Variants in WWOX observed in about 807,000 individuals in gnomAD.
WWOX encodes the protein WW domain containing oxidoreductase, also known as WW domain-containing oxidoreductase.
A neutral mutation model predicts 46.2 loss-of-function variants in WWOX; 69 were observed. The ratio of observed to expected loss-of-function variants is 1.49; its 90% CI spans 1.23 to 1.82. The LOEUF is 1.82. WWOX is among the 40% of genes most tolerant of loss of function. The probability of loss-of-function intolerance (pLI) is 0.00; values close to 1 mark genes in which losing one functional copy is unlikely to be tolerated. For missense variants in WWOX, 919 were observed against 542.6 expected, an observed-to-expected ratio of 1.69 and a Z score of -6.89; for synonymous variants, 359 against 202.6, an observed-to-expected ratio of 1.77 and a Z score of -6.56.
In WWOX at chr16:78,538,252, G is replaced by A. The variant is rs985138170; in HGVS notation, c.1056+105500G>A. 1.0e-4 allele frequency among the ~76,000 whole-genome samples: 14 copies of A among 140,570 alleles called. 1 individual carries two copies. Among genetic ancestry groups the A allele is most frequent in the African/African-American group, 1.0e-4 (4 of 38,754 alleles). 92.2% of individuals were successfully genotyped at this position (140,570 alleles called of 152,430 possible). The stretch of plus-strand genomic sequence containing the variant: ...AAAAAAAAAAAAAAAAAAAAGCGGG[G>A]CAAGGGGTTGGAGAATGTTCATATC... On this transcript the variant is annotated intron_variant, in intron 8 of 8. Coordinates refer to ENST00000566780, the MANE Select transcript of WWOX (RefSeq NM_016373.4).
intron 8 of WWOX, among the ~76,000 whole-genome samples, chr16:78,491,445 G>A (rs916590802): frequency 6.6e-6 from 1 of 152,154 alleles, no homozygotes; most frequent in African/African-American, 2.4e-5. Flanking sequence ...TTAAGCTCCA[G>A]TGGTACTCGA....
At chr16:78,194,656 A>G (rs1045832742) in intron 5 of WWOX, among the ~76,000 whole-genome samples, 1 of 151,912 alleles carries the variant, frequency 6.6e-6, no homozygotes, top group African/African-American at 2.4e-5. Context: ...ATATTGGAAG[A>G]CATGGCAATA....
At chr16:78,242,817 G>A (rs12929813) in intron 5 of WWOX, among the ~76,000 whole-genome samples, 15,606 of 152,170 alleles carry the variant, frequency 0.1, 990 homozygotes, top group Non-Finnish European at 0.14. Context: ...AGACCAGCCT[G>A]GCCAACATGG....
intron 5 of WWOX, among the ~76,000 whole-genome samples, chr16:78,329,152 C>T (rs1476139868): frequency 6.6e-6 from 1 of 152,158 alleles, no homozygotes; most frequent in Non-Finnish European, 1.5e-5. Context: ...TGAGCTACCG[C>T]ACCCAGCCTG....
chr16:78,622,176 C>G (rs559781040), intron 8 of WWOX, among the ~76,000 whole-genome samples: 4 of 152,198 alleles, frequency 2.6e-5, no homozygotes, highest in Admixed American at 1.3e-4. Context: ...TATCCTTTTT[C>G]TCTCCATTCT....
chr16:78,208,056 G>GC (rs2036450004), intron 5 of WWOX, among the ~76,000 whole-genome samples: 1 of 152,076 alleles, frequency 6.6e-6, no homozygotes, highest in African/African-American at 2.4e-5. Context: ...CAGGTCATCC[G>GC]CCCGCCTTGG....
intron 8 of WWOX, among the ~76,000 whole-genome samples, chr16:78,642,497 G>C (rs1423502962): frequency 6.6e-6 from 1 of 152,178 alleles, no homozygotes; most frequent in East Asian, 1.9e-4. Context: ...CACCAGGTCA[G>C]ATTCAATGCT....
At chr16:79,161,740 A>G (rs767516507) in intron 8 of WWOX, among the ~76,000 whole-genome samples, 2 of 152,192 alleles carry the variant, frequency 1.3e-5, no homozygotes, top group Non-Finnish European at 2.9e-5. Context: ...GCTGGTCTCA[A>G]ACTCGTGACC....
intron 8 of WWOX, among the ~76,000 whole-genome samples, chr16:79,107,553 G>T (rs983886656): frequency 6.6e-6 from 1 of 152,172 alleles, no homozygotes; most frequent in African/African-American, 2.4e-5. Context: ...CTTTTGGATA[G>T]CCCAAAGACC....
intron 5 of WWOX, among the ~76,000 whole-genome samples, chr16:78,362,716 A>G (rs2081437797): frequency 6.6e-6 from 1 of 152,236 alleles, no homozygotes; most frequent in Admixed American, 6.5e-5. Flanking sequence ...TTTCCAGGAA[A>G]CAGCCTCAAC....
At chr16:78,781,592 C>A (rs921285397) in intron 8 of WWOX, among the ~76,000 whole-genome samples, 9 of 152,164 alleles carry the variant, frequency 5.9e-5, no homozygotes, top group African/African-American at 2.2e-4. Context: ...TCCCCCACCC[C>A]CACTTTATCC....
At chr16:79,034,688 T>G (rs2047831300) in intron 8 of WWOX, among the ~76,000 whole-genome samples, 1 of 152,206 alleles carries the variant, frequency 6.6e-6, no homozygotes, top group Non-Finnish European at 1.5e-5. Context: ...CTTTTTTTTT[T>G]TCAAAGCACT....
At chr16:78,884,591 C>T (rs767735019) in intron 8 of WWOX, among the ~76,000 whole-genome samples, 3 of 152,110 alleles carry the variant, frequency 2.0e-5, no homozygotes, top group Non-Finnish European at 2.9e-5. Flanking sequence ...GAGGAAGATA[C>T]AGAGGAATGT....
At chr16:79,007,674 T>C (rs150390383) in intron 8 of WWOX, among the ~76,000 whole-genome samples, 2 of 152,226 alleles carry the variant, frequency 1.3e-5, no homozygotes, top group African/African-American at 4.8e-5. Context: ...AGCACTGTTA[T>C]CAGATGAAGA....
intron 8 of WWOX, among the ~76,000 whole-genome samples, chr16:78,745,500 T>C (rs931877527): frequency 3.3e-5 from 5 of 150,310 alleles, no homozygotes; most frequent in Admixed American, 1.3e-4. Context: ...GGTCACTCCA[T>C]AGAGAGGGGT....
Position 79,165,006 on chromosome 16 carries a change from C to T in WWOX, c.1057-46602C>T, listed in dbSNP as rs975335178. Among the ~76,000 whole-genome samples, 4 of 152,240 alleles carry T rather than the reference C, an allele frequency of 2.6e-5. No individual in the cohort carries two copies. The South Asian group carries it at 8.3e-4, about 32-fold the overall frequency. On this transcript the variant is annotated intron_variant, in intron 8 of 8. Coordinates refer to ENST00000566780, the MANE Select transcript of WWOX (RefSeq NM_016373.4). Reference sequence around the variant, plus strand: ...CAGTAAGTGTAAAATGTTCCACACCCTTATGTATAGACTTTTAACCTCTAT... The same window carrying T: ...CAGTAAGTGTAAAATGTTCCACACCTTTATGTATAGACTTTTAACCTCTAT...
intron 8 of WWOX, among the ~76,000 whole-genome samples, chr16:78,966,799 C>G (rs1475259851): frequency 6.6e-6 from 1 of 152,116 alleles, no homozygotes; most frequent in Non-Finnish European, 1.5e-5. Flanking sequence ...GCCAACTGTT[C>G]TACTTTGGCA....
At chr16:78,751,153 T>G (rs192122346) in intron 8 of WWOX, among the ~76,000 whole-genome samples, 1 of 152,114 alleles carries the variant, frequency 6.6e-6, no homozygotes, top group Non-Finnish European at 1.5e-5. Flanking sequence ...CCAAAAAGAA[T>G]TTGACTCAAA....
At chr16:78,689,618 T>C (rs1235465838) in intron 8 of WWOX, among the ~76,000 whole-genome samples, 2 of 152,198 alleles carry the variant, frequency 1.3e-5, no homozygotes, top group African/African-American at 4.8e-5. Flanking sequence ...AAAATCCTGC[T>C]AACTTGGTTA....
Sources: allele counts gnomAD v4.1 joint callset (sites outside exome capture counted in the v4.1 genomes callset), GRCh38; gene constraint gnomAD v4.1.1; transcripts MANE v1.5; gene names NCBI Gene and HGNC (gene_info 2026-07-23, HGNC 2026-07-21).